Variants in SHROOM4 observed in about 807,000 individuals in gnomAD.
SHROOM4 encodes shroom family member 4.
A neutral mutation model predicts 80.3 loss-of-function variants in SHROOM4; 17 were observed. The ratio of observed to expected loss-of-function variants is 0.21; its 90% CI spans 0.14 to 0.32. SHROOM4 has a LOEUF of 0.32. SHROOM4 is among the 10% of genes least tolerant of loss of function. SHROOM4 has a pLI of 1.00. For missense variants in SHROOM4, 993 were observed against 1,140.3 expected (o/e 0.87, Z 1.86); for synonymous variants, 400 against 437.5 (o/e 0.91, Z 1.07).
chrX:50,705,989 TA>T, intron 1 of SHROOM4, among the ~76,000 whole-genome samples: 1 of 74,393 alleles, frequency 1.3e-5, no homozygotes, highest in South Asian at 9.3e-4. Context: ...TCTCATCCTC[TA>T]CACACACACA....
rs148593189 is a variant in SHROOM4 at position 50,635,526 on chromosome X, G to C, written c.547C>G (p.Pro183Ala). Residue 183 changes from proline to alanine, a missense_variant, in exon 4 of 9, where the codon CCT becomes GCT. Pro to Ala is a conservative substitution (Grantham distance 27). Transcript: ENST00000376020. ...HLLPIDQNMYPNQRDSAYSSF... is the reference protein window; with the variant it reads ...HLLPIDQNMYANQRDSAYSSF... ...CTGTAGGCTGAGTCACGCTGGTTAG[G>C]GTACATGTTCTGGTCAATAGGCAAC... 18 of 1,208,845 alleles carry C rather than the reference G, an allele frequency of 1.5e-5. No homozygotes were observed. Among genetic ancestry groups the C allele is most frequent in the Non-Finnish European group, 1.8e-5 (16 of 894,879 alleles).
chrX:50,696,644 T>C (rs1933377573), intron 1 of SHROOM4, among the ~76,000 whole-genome samples: 1 of 112,433 alleles, frequency 8.9e-6, no homozygotes, highest in African/African-American at 3.2e-5. Context: ...GTAGGTACAA[T>C]GTAGCTGCTT....
At position 50,712,261 on chromosome X, in the gene SHROOM4, T is replaced by C. The variant is rs1056378915; in HGVS notation, c.118-16324A>G. Among the ~76,000 whole-genome samples the C allele has an allele frequency of 4.5e-5, 5 of 111,762 alleles. No homozygotes were observed. In the Admixed American group the frequency reaches 4.8e-4, roughly 11 times the overall value. Reference sequence around the variant, plus strand: ...TATTATGGTGGGTATATAGTGTTCATATGTTTCAACTGACTCCCTGACATT... The same window carrying C: ...TATTATGGTGGGTATATAGTGTTCACATGTTTCAACTGACTCCCTGACATT... On this transcript the variant is annotated intron_variant, in intron 1 of 8. Coordinates refer to ENST00000376020, the MANE Select transcript of SHROOM4 (RefSeq NM_020717.5).
chrX:50,806,057 G>GAGGGC (rs1176386965), intron 1 of SHROOM4, among the ~76,000 whole-genome samples: 1 of 110,261 alleles, frequency 9.1e-6, no homozygotes, highest in African/African-American at 3.3e-5. Context: ...GTTTTGGACA[G>GAGGGC]AGGGCAGGGC....
chrX:50,635,577 C>T lies in SHROOM4; in HGVS notation c.496G>A (p.Gly166Ser). 8.3e-7 allele frequency: 1 copy of T among 1,210,019 alleles called. No individual in the cohort carries two copies. Among genetic ancestry groups the T allele is most frequent in the South Asian group, 1.8e-5 (1 of 56,701 alleles). ...IGSMESLEQP[G>S]QATYESHLLP... is the part of the protein sequence containing the mutation. ...AGATGGCTCTCATAGGTGGCTTGGC[C>T]TGGTTGCTCCAGGCTCTCCATGCTG... Residue 166 changes from glycine (G) to serine (S), a missense_variant, in exon 4 of 9, where the codon GGC (glycine) becomes AGC (serine). Coordinates refer to ENST00000376020, the MANE Select transcript of SHROOM4 (RefSeq NM_020717.5).
At chrX:50,720,070 G>A in intron 1 of SHROOM4, among the ~76,000 whole-genome samples, 1 of 111,668 alleles carries the variant, frequency 9.0e-6, no homozygotes, top group Middle Eastern at 4.6e-3. Context: ...TTTTGTTTCT[G>A]AAATCTCAAT....
intron 1 of SHROOM4, among the ~76,000 whole-genome samples, chrX:50,728,169 C>T (rs1557266023): frequency 9.1e-6 from 1 of 110,425 alleles, no homozygotes; most frequent in Non-Finnish European, 1.9e-5. Context: ...ACCATCCTGG[C>T]TAACACGGTG....
chrX:50,748,555 A>T (rs1346876713), intron 1 of SHROOM4, among the ~76,000 whole-genome samples: 2 of 111,625 alleles, frequency 1.8e-5, no homozygotes, highest in African/African-American at 6.5e-5. Context: ...TTGCTGTGTG[A>T]GATTCAGTTG....
intron 1 of SHROOM4, among the ~76,000 whole-genome samples, chrX:50,750,390 T>C (rs1183339963): frequency 9.0e-6 from 1 of 111,559 alleles, no homozygotes; most frequent in Non-Finnish European, 1.9e-5. Flanking sequence ...CTCCCCCGAG[T>C]AGCTGGGATT....
intron 1 of SHROOM4, among the ~76,000 whole-genome samples, chrX:50,762,557 G>A (rs1190919671): frequency 3.6e-5 from 4 of 111,276 alleles, no homozygotes; most frequent in Admixed American, 1.9e-4. Flanking sequence ...AACTTCCTTC[G>A]ATATTTCTTG....
chrX:50,585,789 C>T (rs543285521), downstream of SHROOM4, among the ~76,000 whole-genome samples: 13 of 111,517 alleles, frequency 1.2e-4, no homozygotes, highest in South Asian at 4.6e-3. Flanking sequence ...CCCAAAGATA[C>T]ATGGTTTTTC....
downstream of SHROOM4, among the ~76,000 whole-genome samples, chrX:50,582,468 C>T (rs1276949434): frequency 1.8e-5 from 2 of 112,252 alleles, no homozygotes; most frequent in East Asian, 5.6e-4. Context: ...TCTCATATGA[C>T]ACTCCCTCTA....
chrX:50,702,153 A>G (rs1338469431), intron 1 of SHROOM4, among the ~76,000 whole-genome samples: 5 of 112,140 alleles, frequency 4.5e-5, no homozygotes, highest in Non-Finnish European at 7.5e-5. Context: ...CATTAGGGAA[A>G]TGTGATTTAA....
intron 2 of SHROOM4, among the ~76,000 whole-genome samples, chrX:50,663,676 T>C (rs1168443848): frequency 6.3e-5 from 7 of 111,143 alleles, no homozygotes; most frequent in African/African-American, 2.0e-4. Context: ...TACGTTTCTT[T>C]CCATCCCTTT....
intron 1 of SHROOM4, among the ~76,000 whole-genome samples, chrX:50,789,361 A>C (rs1935810856): frequency 8.9e-6 from 1 of 112,051 alleles, no homozygotes; most frequent in Non-Finnish European, 1.9e-5. Flanking sequence ...TGGCAAATTC[A>C]AAAATATGTG....
intron 1 of SHROOM4, among the ~76,000 whole-genome samples, chrX:50,737,482 CA>C: frequency 9.0e-6 from 1 of 111,559 alleles, no homozygotes; most frequent in Non-Finnish European, 1.9e-5. Flanking sequence ...TATTTAAATA[CA>C]AACAGATTGG....
chrX:50,611,137 T>TTTTTTC (rs1929956206), intron 5 of SHROOM4, among the ~76,000 whole-genome samples: 3 of 89,407 alleles, frequency 3.4e-5, no homozygotes, highest in African/African-American at 1.4e-4. Context: ...CCATATTTTC[T>TTTTTTC]TTTTTTCTTT....
chrX:50,758,961 C>T (rs890754813), intron 1 of SHROOM4, among the ~76,000 whole-genome samples: 1 of 111,570 alleles, frequency 9.0e-6, no homozygotes, highest in Non-Finnish European at 1.9e-5. Context: ...TTGGAGTGCT[C>T]CTTTATACTT....
downstream of SHROOM4, among the ~76,000 whole-genome samples, chrX:50,584,448 T>TATCA (rs1197250766): frequency 8.9e-6 from 1 of 111,733 alleles, no homozygotes; most frequent in East Asian, 2.8e-4. Flanking sequence ...CTTTGAAACC[T>TATCA]ATCAAAATGA....
Sources: allele counts gnomAD v4.1 joint callset (sites outside exome capture counted in the v4.1 genomes callset), GRCh38; gene constraint gnomAD v4.1.1; transcripts MANE v1.5; gene names NCBI Gene and HGNC (gene_info 2026-07-23, HGNC 2026-07-21).